Variants in SGCZ observed in about 807,000 individuals in gnomAD.
The protein encoded by SGCZ is sarcoglycan zeta, also known as zeta-sarcoglycan.
SGCZ carries 40 observed loss-of-function variants against 41.3 expected under a neutral mutation model. That is an observed-to-expected ratio of 0.97 (90% CI 0.75 to 1.26). The LOEUF (loss-of-function observed/expected upper bound fraction) is 1.26. SGCZ is among the 50% of genes most tolerant of loss of function. The probability of loss-of-function intolerance (pLI) is 0.00; values close to 1 mark genes in which losing one functional copy is unlikely to be tolerated. For missense variants in SGCZ, 552 were observed against 369.8 expected (o/e 1.49, Z -4.04); for synonymous variants, 206 against 137.5 (o/e 1.50, Z -3.49).
chr8:14,184,095 A>G (rs549664282), intron 4 of SGCZ, among the ~76,000 whole-genome samples: 4 of 152,316 alleles, frequency 2.6e-5, no homozygotes, highest in Admixed American at 1.3e-4. Flanking sequence ...CATCATTTTC[A>G]TATAATGTAA....
intron 1 of SGCZ, among the ~76,000 whole-genome samples, chr8:14,846,154 G>T (rs962505794): frequency 6.6e-6 from 1 of 152,012 alleles, no homozygotes; most frequent in Non-Finnish European, 1.5e-5. Context: ...GTACATAACA[G>T]ACCAGAAAAA....
chr8:14,505,612 A>G (rs1802282606), intron 2 of SGCZ, among the ~76,000 whole-genome samples: 1 of 152,136 alleles, frequency 6.6e-6, no homozygotes, highest in African/African-American at 2.4e-5. Context: ...TTAATGTCTT[A>G]TATGTATATC....
intron 1 of SGCZ, among the ~76,000 whole-genome samples, chr8:15,232,129 G>A (rs370687981): frequency 2.0e-5 from 3 of 152,008 alleles, no homozygotes; most frequent in African/African-American, 4.8e-5. Flanking sequence ...AAAAGTAAAC[G>A]GTCATTTTCC....
In SGCZ at chr8:14,375,097, A is replaced by G. The variant is rs1048458184; in HGVS notation, c.235-50893T>C. ...ATTGAGAGGCCAGAAAAGGGGGACA[A>G]TCAGATAGATAGATAGACAGACAGA... On this transcript the variant is annotated intron_variant, in intron 2 of 7. Coordinates refer to ENST00000382080, the MANE Select transcript of SGCZ (RefSeq NM_139167.4). 3.3e-5 allele frequency among the ~76,000 whole-genome samples: 5 copies of G among 149,332 alleles called. No homozygotes were observed. In the Admixed American group the frequency reaches 3.4e-4, roughly 10 times the overall value.
intron 1 of SGCZ, among the ~76,000 whole-genome samples, chr8:14,828,497 G>T (rs1007734342): frequency 1.3e-5 from 2 of 152,126 alleles, no homozygotes; most frequent in African/African-American, 4.8e-5. Flanking sequence ...CTGAGTTTTC[G>T]ATGGAAATTT....
In SGCZ at chr8:14,653,639, G is replaced by A. The variant is rs553902413; in HGVS notation, c.40-98713C>T. Among the ~76,000 whole-genome samples, 19 of 152,062 alleles carry A rather than the reference G, an allele frequency of 1.2e-4. No individual in the cohort carries two copies. In the South Asian group the frequency reaches 3.5e-3, roughly 28 times the overall value. On this transcript the variant is annotated intron_variant, in intron 1 of 7. Transcript: ENST00000382080. ...TCTATTGAAATCCATGTCTATAAGC[G>A]ACCATGCTATCTTGATTCTTAGCAG...
intron 4 of SGCZ, among the ~76,000 whole-genome samples, chr8:14,226,799 A>C (rs76728722): frequency 0.022 from 3,362 of 152,194 alleles, 118 homozygotes; most frequent in African/African-American, 0.077. Flanking sequence ...AGAAAGGTGT[A>C]ATGTTTTGCA....
intron 1 of SGCZ, among the ~76,000 whole-genome samples, chr8:14,623,477 A>G (rs1307378323): frequency 6.6e-6 from 1 of 152,184 alleles, no homozygotes; most frequent in Non-Finnish European, 1.5e-5. Flanking sequence ...TTTCTGGATA[A>G]TAGGAAAAAT....
chr8:14,279,386 G>T (rs957628252), intron 3 of SGCZ, among the ~76,000 whole-genome samples: 1 of 151,916 alleles, frequency 6.6e-6, no homozygotes, highest in African/African-American at 2.4e-5. Flanking sequence ...TGCATTTCAG[G>T]TTATCACAAA....
intron 1 of SGCZ, among the ~76,000 whole-genome samples, chr8:14,702,820 GATAGA>G (rs1563212942): frequency 0.08 from 1,034 of 12,872 alleles, 43 homozygotes; most frequent in South Asian, 0.13. Context: ...TAGGTAGATA[GATAGA>G]TAGATAGATA....
chr8:14,939,245 C>A (rs537161919), intron 1 of SGCZ, among the ~76,000 whole-genome samples: 1 of 152,182 alleles, frequency 6.6e-6, no homozygotes, highest in South Asian at 2.1e-4. Flanking sequence ...ATCTAGGGTA[C>A]CTTTGTCAGC....
chr8:14,876,427 T>G (rs1296034926), intron 1 of SGCZ, among the ~76,000 whole-genome samples: 1 of 152,156 alleles, frequency 6.6e-6, no homozygotes, highest in Non-Finnish European at 1.5e-5. Flanking sequence ...TACGTTACTT[T>G]CATTTTCAGA....
rs371053430 is a variant in SGCZ, at chr8:14,838,314, A to T, written c.40-283388T>A. The stretch of plus-strand genomic sequence containing the variant: ...TTTTGATGTTTGGTATCTTAAAAAA[A>T]CAACCCTCTCTGGCTATTGAGAGAC... On this transcript the variant is annotated intron_variant, in intron 1 of 7. Coordinates refer to ENST00000382080, the MANE Select transcript of SGCZ (RefSeq NM_139167.4). Among the ~76,000 whole-genome samples, 14 of 152,314 alleles carry T rather than the reference A, an allele frequency of 9.2e-5. No homozygotes were observed. The East Asian group carries it at 2.5e-3, about 27-fold the overall frequency.
intron 1 of SGCZ, among the ~76,000 whole-genome samples, chr8:15,197,071 A>G (rs1393081494): frequency 2.0e-5 from 3 of 152,236 alleles, no homozygotes; most frequent in African/African-American, 4.8e-5. Flanking sequence ...ACCAGAATCT[A>G]TTAGTCAAAG....
intron 7 of SGCZ, among the ~76,000 whole-genome samples, chr8:14,098,098 C>T (rs1370361384): frequency 6.6e-6 from 1 of 152,058 alleles, no homozygotes; most frequent in African/African-American, 2.4e-5. Context: ...GTAGATACAC[C>T]TTCTACATAA....
At chr8:14,916,226 T>A (rs1361045479) in intron 1 of SGCZ, among the ~76,000 whole-genome samples, 6 of 152,178 alleles carry the variant, frequency 3.9e-5, no homozygotes, top group African/African-American at 1.2e-4. Flanking sequence ...TCTGATTTCC[T>A]ATCTATTACC....
At chr8:14,677,955 C>A (rs1299427596) in intron 1 of SGCZ, among the ~76,000 whole-genome samples, 3 of 152,036 alleles carry the variant, frequency 2.0e-5, no homozygotes, top group Non-Finnish European at 2.9e-5. Context: ...AAATAATAGA[C>A]AAACAGAGCA....
intron 1 of SGCZ, among the ~76,000 whole-genome samples, chr8:15,131,825 A>C (rs1281169194): frequency 2.0e-5 from 3 of 152,210 alleles, no homozygotes; most frequent in Non-Finnish European, 4.4e-5. Context: ...TCTTGAGAAG[A>C]ATAAATATAG....
chr8:14,164,761 A>G, intron 4 of SGCZ, 59 bp from the exon 5 acceptor site: 2 of 1,582,820 alleles, frequency 1.3e-6, no homozygotes, highest in Non-Finnish European at 1.7e-6. Flanking sequence ...ATTAACATGT[A>G]TTTTTTGGAA....
Sources: allele counts gnomAD v4.1 joint callset (sites outside exome capture counted in the v4.1 genomes callset), GRCh38; gene constraint gnomAD v4.1.1; transcripts MANE v1.5; gene names NCBI Gene and HGNC (gene_info 2026-07-23, HGNC 2026-07-21).